PRKG2: variants seen among roughly 807,000 people sequenced by gnomAD.
The protein encoded by PRKG2 is protein kinase cGMP-dependent 2, also known as cGMP-dependent protein kinase 2.
Under a neutral mutation model 97.2 loss-of-function variants are expected in PRKG2, and 33 were observed. The observed-to-expected ratio is 0.34, with a 90% CI of 0.26 to 0.45. The LOEUF (loss-of-function observed/expected upper bound fraction) is 0.45, where lower values mean the gene tolerates loss of function less well. PRKG2 is among the 20% of genes least tolerant of loss of function. The probability of loss-of-function intolerance (pLI) is 1.00; values close to 1 mark genes in which losing one functional copy is unlikely to be tolerated. For missense variants in PRKG2, 638 were observed against 900.0 expected, an observed-to-expected ratio of 0.71 and a Z score of 3.73; for synonymous variants, 330 against 321.8, an observed-to-expected ratio of 1.03 and a Z score of -0.27.
chr4:81,142,998 T>C, intron 10 of PRKG2, 51 bp from the exon 11 acceptor site: 1 of 1,509,522 alleles, frequency 6.6e-7, no homozygotes, highest in Non-Finnish European at 8.9e-7. Flanking sequence ...ATTAAGAAGG[T>C]GTCATGCCAT....
intron 14 of PRKG2, among the ~76,000 whole-genome samples, chr4:81,133,335 T>C (rs1423249011): frequency 6.6e-6 from 1 of 152,186 alleles, no homozygotes; most frequent in East Asian, 1.9e-4. Context: ...GTTTAATGTA[T>C]GTGATTCCTG....
chr4:81,098,454 G>T (rs1441681184), intron 17 of PRKG2, among the ~76,000 whole-genome samples: 5 of 152,068 alleles, frequency 3.3e-5, no homozygotes, highest in Non-Finnish European at 7.3e-5. Flanking sequence ...TTCAAAACTT[G>T]ACTAATTGGC....
rs545858254 is a variant in PRKG2 at position 81,174,400 on chromosome 4, T to C, written c.628+393A>G. On this transcript the variant is annotated intron_variant, in intron 3 of 18. Coordinates refer to ENST00000264399, the MANE Select transcript of PRKG2 (RefSeq NM_006259.3). ...GAGCACATGGTATTGTGATTAGAAG[T>C]GCAGATTCTTAAGTCAAATTGCCTA... 1.1e-4 allele frequency among the ~76,000 whole-genome samples: 16 copies of C among 152,200 alleles called. No homozygotes were observed. The East Asian group carries it at 2.9e-3, about 28-fold the overall frequency.
At chr4:81,174,484 A>G (rs1216982402) in intron 3 of PRKG2, among the ~76,000 whole-genome samples, 2 of 152,048 alleles carry the variant, frequency 1.3e-5, no homozygotes, top group African/African-American at 2.4e-5. Context: ...TCTGAGACAT[A>G]GTCCATGTTA....
intron 9 of PRKG2, among the ~76,000 whole-genome samples, chr4:81,147,983 C>T (rs979984401): frequency 6.6e-6 from 1 of 152,096 alleles, no homozygotes; most frequent in South Asian, 2.1e-4. Flanking sequence ...CATTGTTTAA[C>T]TTGCATTATG....
chr4:81,119,265 A>G (rs1180118206), intron 14 of PRKG2, among the ~76,000 whole-genome samples: 1 of 151,976 alleles, frequency 6.6e-6, no homozygotes, highest in Non-Finnish European at 1.5e-5. Flanking sequence ...TAGGTCTTTG[A>G]TCCATTTTGA....
intron 14 of PRKG2, among the ~76,000 whole-genome samples, chr4:81,124,055 T>G (rs1745321000): frequency 6.6e-6 from 1 of 152,228 alleles, no homozygotes; most frequent in Non-Finnish European, 1.5e-5. Context: ...CCACTCCTTG[T>G]GGCATATCAG....
intron 6 of PRKG2, among the ~76,000 whole-genome samples, chr4:81,157,153 A>G (rs1372802453): frequency 6.6e-6 from 1 of 152,212 alleles, no homozygotes; most frequent in African/African-American, 2.4e-5. Flanking sequence ...TGGTTTTTTG[A>G]AAGGATCAAC....
At chr4:81,173,738 CAT>C (rs1472343739) in intron 3 of PRKG2, 1 of 151,850 alleles carries the variant, frequency 6.6e-6, no homozygotes, top group East Asian at 1.9e-4. Context: ...TAGAATAATA[CAT>C]GTTTATTAAT....
At chr4:81,099,411 C>T (rs78739959) in intron 17 of PRKG2, among the ~76,000 whole-genome samples, 2,600 of 152,128 alleles carry the variant, frequency 0.017, 82 homozygotes, top group African/African-American at 0.059. Flanking sequence ...GTTCAATATA[C>T]GCAAATCAAT....
At chr4:81,161,858 A>G (rs1749612612) in intron 6 of PRKG2, among the ~76,000 whole-genome samples, 1 of 152,038 alleles carries the variant, frequency 6.6e-6, no homozygotes, top group Non-Finnish European at 1.5e-5. Flanking sequence ...AACTTTAAGC[A>G]TACCATTAAA....
At chr4:81,196,993 T>A (rs1223126627) in intron 2 of PRKG2, among the ~76,000 whole-genome samples, 2 of 152,198 alleles carry the variant, frequency 1.3e-5, no homozygotes, top group East Asian at 3.9e-4. Context: ...TGTCTTCAGA[T>A]CTGTTCCCCT....
chr4:81,195,212 T>C (rs1364282787), intron 2 of PRKG2, among the ~76,000 whole-genome samples: 2 of 152,124 alleles, frequency 1.3e-5, no homozygotes, highest in Non-Finnish European at 2.9e-5. Flanking sequence ...GATCAATTAA[T>C]GTTTGTTACA....
At chr4:81,201,289 A>T (rs889612716) in intron 2 of PRKG2, among the ~76,000 whole-genome samples, 1 of 152,242 alleles carries the variant, frequency 6.6e-6, no homozygotes, top group African/African-American at 2.4e-5. Context: ...GCTGCATTTC[A>T]AGTGCTCAAT....
intron 17 of PRKG2, among the ~76,000 whole-genome samples, chr4:81,093,360 AACACACAC>A (rs60004845): frequency 0.013 from 1,463 of 116,352 alleles, 22 homozygotes; most frequent in African/African-American, 0.039. Context: ...CTCCCCCACC[AACACACAC>A]ACACACACAC....
At chr4:81,108,251 C>A (rs1419684602) in intron 15 of PRKG2, among the ~76,000 whole-genome samples, 1 of 151,960 alleles carries the variant, frequency 6.6e-6, no homozygotes, top group Non-Finnish European at 1.5e-5. Context: ...TTCTATTATG[C>A]CATTTAATTT....
chr4:81,137,264 C>T (rs911334562), intron 13 of PRKG2, 129 bp downstream of exon 13: 1 of 717,058 alleles, frequency 1.4e-6, no homozygotes, highest in Non-Finnish European at 2.4e-6. Flanking sequence ...GACAATATCA[C>T]TATTACTACT....
chr4:81,132,989 T>G (rs1746325819), intron 14 of PRKG2, among the ~76,000 whole-genome samples: 1 of 152,136 alleles, frequency 6.6e-6, no homozygotes, highest in African/African-American at 2.4e-5. Flanking sequence ...ACATTCATGT[T>G]TTTTAATGCT....
At chr4:81,158,034 C>G (rs1187878849) in intron 6 of PRKG2, among the ~76,000 whole-genome samples, 2 of 149,668 alleles carry the variant, frequency 1.3e-5, no homozygotes, top group Non-Finnish European at 2.9e-5. Context: ...CACGGATGCC[C>G]TCTCTCACCA....
Sources: allele counts gnomAD v4.1 joint callset (sites outside exome capture counted in the v4.1 genomes callset), GRCh38; gene constraint gnomAD v4.1.1; transcripts MANE v1.5; gene names NCBI Gene and HGNC (gene_info 2026-07-23, HGNC 2026-07-21).